TRPM3: variants seen among roughly 807,000 people sequenced by gnomAD.
TRPM3 encodes the protein transient receptor potential cation channel subfamily M member 3, also known as long transient receptor potential channel 3.
A neutral mutation model predicts 181.2 loss-of-function variants in TRPM3; 77 were observed. That is an observed-to-expected ratio of 0.42 (90% confidence interval 0.35 to 0.51). The LOEUF (loss-of-function observed/expected upper bound fraction) is 0.51, where lower values mean the gene tolerates loss of function less well. Among genes scored for constraint, TRPM3 ranks in the 20% least tolerant of loss-of-function variants. TRPM3 has a pLI of 0.01. For missense variants in TRPM3, 1,759 were observed against 2,196.7 expected, an observed-to-expected ratio of 0.80 and a Z score of 3.98; for synonymous variants, 745 against 796.4, an observed-to-expected ratio of 0.94 and a Z score of 1.09.
chr9:70,632,564 T>G, intron 12 of TRPM3, among the ~76,000 whole-genome samples: 1 of 152,248 alleles, frequency 6.6e-6, no homozygotes, highest in East Asian at 1.9e-4. Flanking sequence ...ATTGGCAGTC[T>G]CTTTTTCCAG....
chr9:70,575,305 A>G (rs2053650023), intron 22 of TRPM3, among the ~76,000 whole-genome samples: 2 of 152,100 alleles, frequency 1.3e-5, no homozygotes, highest in Non-Finnish European at 2.9e-5. Context: ...TGGAAGAAAC[A>G]ACGGCTTTGC....
At chr9:70,860,054 C>T (rs1339899303) in intron 3 of TRPM3, among the ~76,000 whole-genome samples, 1 of 152,110 alleles carries the variant, frequency 6.6e-6, no homozygotes, top group East Asian at 1.9e-4. Flanking sequence ...TCTTTGGACT[C>T]CTGGGAAGTA....
chr9:70,677,705 T>G (rs1411742851), intron 9 of TRPM3, among the ~76,000 whole-genome samples: 1 of 152,268 alleles, frequency 6.6e-6, no homozygotes, highest in African/African-American at 2.4e-5. Flanking sequence ...CTTCAGATCT[T>G]CATTCTGAAG....
chr9:70,882,416 C>T (rs2096009436), intron 1 of TRPM3, among the ~76,000 whole-genome samples: 1 of 152,064 alleles, frequency 6.6e-6, no homozygotes, highest in African/African-American at 2.4e-5. Flanking sequence ...TTTCTAAAGT[C>T]AATTTTGGTT....
chr9:71,315,552 T>C (rs2088492935), intron 1 of TRPM3, among the ~76,000 whole-genome samples: 1 of 152,152 alleles, frequency 6.6e-6, no homozygotes, highest in African/African-American at 2.4e-5. Flanking sequence ...TAAAATACAA[T>C]TAATTTTAAG....
chr9:71,184,704 T>C (rs1188248306), intron 1 of TRPM3, among the ~76,000 whole-genome samples: 1 of 152,186 alleles, frequency 6.6e-6, no homozygotes, highest in Non-Finnish European at 1.5e-5. Context: ...TTGCTTTTTC[T>C]TCTGTCTTGT....
intron 1 of TRPM3, among the ~76,000 whole-genome samples, chr9:71,134,444 T>A (rs10868956): frequency 6.6e-6 from 1 of 151,380 alleles, no homozygotes; most frequent in Non-Finnish European, 1.5e-5. Flanking sequence ...CCCAGCTACT[T>A]GGGAGGCTGA....
intron 1 of TRPM3, among the ~76,000 whole-genome samples, chr9:70,961,728 A>T (rs11142651): frequency 0.22 from 33,658 of 152,074 alleles, 3,835 homozygotes; most frequent in East Asian, 0.25. Flanking sequence ...GGCTTATGTC[A>T]TATTATTTTC....
intron 6 of TRPM3, among the ~76,000 whole-genome samples, chr9:70,823,691 C>CT (rs2093356343): frequency 6.6e-6 from 1 of 150,888 alleles, no homozygotes; most frequent in African/African-American, 2.4e-5. Flanking sequence ...CTATGGTTGC[C>CT]CCCCTTGATG....
chr9:70,547,390 A>G (rs981222922), intron 25 of TRPM3, among the ~76,000 whole-genome samples: 11 of 152,038 alleles, frequency 7.2e-5, no homozygotes, highest in African/African-American at 2.7e-4. Context: ...CAGAAAGGAC[A>G]TGTTCTAGAA....
intron 1 of TRPM3, among the ~76,000 whole-genome samples, chr9:70,962,268 C>T (rs1048976906): frequency 6.6e-6 from 1 of 152,032 alleles, no homozygotes; most frequent in Non-Finnish European, 1.5e-5. Flanking sequence ...TTAGTTTTTC[C>T]ACCAAGAAGC....
At chr9:71,420,663 GAA>G (rs2093718032) in intron 1 of TRPM3, among the ~76,000 whole-genome samples, 2 of 128,736 alleles carry the variant, frequency 1.6e-5, no homozygotes, top group Admixed American at 8.2e-5. Context: ...AAGAAAAAGA[GAA>G]AGAAAGAGAG....
At chr9:71,222,110 T>C (rs2080278601) in intron 1 of TRPM3, among the ~76,000 whole-genome samples, 1 of 152,220 alleles carries the variant, frequency 6.6e-6, no homozygotes, top group African/African-American at 2.4e-5. Flanking sequence ...TTTCAATATA[T>C]TAGTTGAAGC....
chr9:71,166,923 CATG>C (rs923260183), intron 1 of TRPM3, among the ~76,000 whole-genome samples: 6 of 152,098 alleles, frequency 3.9e-5, no homozygotes, highest in Non-Finnish European at 7.4e-5. Flanking sequence ...TAATAAAAGG[CATG>C]ATGAGAAATA....
At chr9:70,998,212 CACATAT>C (rs1218117882) in intron 1 of TRPM3, among the ~76,000 whole-genome samples, 3 of 142,628 alleles carry the variant, frequency 2.1e-5, no homozygotes, top group Non-Finnish European at 3.0e-5. Context: ...CATATATATA[CACATAT>C]ATATACATAT....
In TRPM3 at chr9:70,616,236, G is replaced by T. The variant is rs555185995; in HGVS notation, c.2359-161C>A. Among the ~76,000 whole-genome samples, 9 of 152,164 alleles carry T rather than the reference G, an allele frequency of 5.9e-5. No homozygotes were observed. The East Asian group carries it at 1.5e-3, about 26-fold the overall frequency. On this transcript the variant is annotated intron_variant, in intron 17 of 25. Coordinates refer to ENST00000677713, the MANE Select transcript of TRPM3 (RefSeq NM_001366145.2). Reference sequence around the variant, plus strand: ...TGTTATATGCTCTGTGGGGGACCTGGACATCTGAGTAACTAACATATTAAC... The same window carrying T: ...TGTTATATGCTCTGTGGGGGACCTGTACATCTGAGTAACTAACATATTAAC...
rs11142685 is a variant in TRPM3, at chr9:71,083,861, T to C, written c.177+37317A>G. ...TATATATGCAGTGTGTATATATATC[T>C]ATATATGTATATATAGATACATATA... On this transcript the variant is annotated intron_variant, in intron 1 of 25. Coordinates refer to ENST00000677713, the MANE Select transcript of TRPM3 (RefSeq NM_001366145.2). 2.6e-4 allele frequency among the ~76,000 whole-genome samples: 40 copies of C among 151,974 alleles called. No individual in the cohort carries two copies. In the East Asian group the frequency reaches 7.5e-3, roughly 29 times the overall value.
At chr9:71,426,945 A>G (rs1481270518) in intron 1 of TRPM3, among the ~76,000 whole-genome samples, 1 of 152,166 alleles carries the variant, frequency 6.6e-6, no homozygotes, top group Non-Finnish European at 1.5e-5. Flanking sequence ...TGAATAAAAG[A>G]TTACTTCCCC....
At chr9:71,171,786 G>A (rs1402670240) in intron 1 of TRPM3, among the ~76,000 whole-genome samples, 1 of 152,186 alleles carries the variant, frequency 6.6e-6, no homozygotes, top group African/African-American at 2.4e-5. Context: ...TGAGTTGGAA[G>A]TAAACGGCTC....
Sources: allele counts gnomAD v4.1 joint callset (sites outside exome capture counted in the v4.1 genomes callset), GRCh38; gene constraint gnomAD v4.1.1; transcripts MANE v1.5; gene names NCBI Gene and HGNC (gene_info 2026-07-23, HGNC 2026-07-21).